Variants in ADAMTSL3 observed in about 807,000 individuals in gnomAD.
ADAMTSL3 encodes the protein ADAMTS-like protein 3.
A neutral mutation model predicts 201.7 loss-of-function variants in ADAMTSL3; 128 were observed. The observed-to-expected ratio is 0.63, with a 90% confidence interval of 0.55 to 0.73. The LOEUF is 0.73. Among genes scored for constraint, ADAMTSL3 ranks in the 30% least tolerant of loss-of-function variants. ADAMTSL3 has a pLI of 0.00. For synonymous variants in ADAMTSL3, 738 were observed against 748.4 expected, an observed-to-expected ratio of 0.99 and a Z score of 0.23; for missense variants, 1,990 against 2,119.6, an observed-to-expected ratio of 0.94 and a Z score of 1.20.
intron 6 of ADAMTSL3, among the ~76,000 whole-genome samples, chr15:83,836,492 G>T (rs1179031791): frequency 6.6e-6 from 1 of 152,150 alleles, no homozygotes; most frequent in African/African-American, 2.4e-5. Context: ...ATGTTGGAAA[G>T]AATTGTTATA....
Position 83,704,176 on chromosome 15 carries a change from G to A in ADAMTSL3, c.70-213G>A, listed in dbSNP as rs11639223. 0.13 allele frequency among the ~76,000 whole-genome samples: 19,191 copies of A among 152,150 alleles called. 1,564 individuals carry two copies. The highest frequency in any genetic ancestry group is 0.26 in the South Asian group (1,274 of 4,814). On this transcript the variant is annotated intron_variant, in intron 2 of 29. Coordinates refer to ENST00000286744, the MANE Select transcript of ADAMTSL3 (RefSeq NM_207517.3). ...CAGAGAATAAATGCCATGGCTGCCAGTTTGATTCGGGCCACTGTGATATCC... is the reference window on the plus strand; with the variant it reads ...CAGAGAATAAATGCCATGGCTGCCAATTTGATTCGGGCCACTGTGATATCC...
Position 83,873,034 on chromosome 15 carries a change from G to A in ADAMTSL3, c.960+2075G>A, listed in dbSNP as rs892660089. 3.4e-5 allele frequency among the ~76,000 whole-genome samples: 5 copies of A among 145,644 alleles called. 1 individual carries two copies. Among genetic ancestry groups the A allele is most frequent in the African/African-American group, 1.3e-4 (5 of 38,112 alleles). ...AAAAGGAAGAATGTGGCTGGGCGTG[G>A]TGGCTCATGCCTGTAATCCCAGCAC... On this transcript the variant is annotated intron_variant, in intron 9 of 29. Coordinates refer to ENST00000286744, the MANE Select transcript of ADAMTSL3 (RefSeq NM_207517.3).
intron 23 of ADAMTSL3, among the ~76,000 whole-genome samples, chr15:84,012,829 T>G (rs1418339564): frequency 6.6e-6 from 1 of 152,222 alleles, no homozygotes; most frequent in Non-Finnish European, 1.5e-5. Flanking sequence ...GACTCCAATT[T>G]TGAAAACTTC....
chr15:83,927,633 C>A (rs2066273639), intron 17 of ADAMTSL3, among the ~76,000 whole-genome samples: 1 of 152,110 alleles, frequency 6.6e-6, no homozygotes, highest in Non-Finnish European at 1.5e-5. Context: ...CTCTTGTTTT[C>A]TGTATATGAA....
chr15:83,669,498 T>C (rs2920263), intron 2 of ADAMTSL3, among the ~76,000 whole-genome samples: 97,669 of 114,828 alleles, frequency 0.85, 42,111 homozygotes, highest in East Asian at 0.97. Flanking sequence ...GACAGAGTCT[T>C]GCTCTGTCTC....
At chr15:83,714,884 T>C (rs139878315) in intron 3 of ADAMTSL3, among the ~76,000 whole-genome samples, 8 of 14,200 alleles carry the variant, frequency 5.6e-4, no homozygotes, top group East Asian at 0.017. Flanking sequence ...CTCCCTTCCT[T>C]CCTTCCTTCC....
chr15:83,982,276 T>G lies in ADAMTSL3; in HGVS notation c.2648T>G (p.Ile883Ser). The change falls in exon 21 of 30, where the codon ATC (isoleucine) becomes AGC (serine). Residue 883 changes from isoleucine to serine, a missense_variant. Transcript: ENST00000286744. ...RSCQMPECSK[I>S]KSEMKTKLGE... is the part of the protein sequence containing the mutation. ...TTTCTTTTTTTTTTTCTTGGAGAAA[T>G]CAAATCAGAGATGAAGACAAAACTT... 4 of 1,560,872 alleles carry G rather than the reference T, an allele frequency of 2.6e-6. No homozygotes were observed. The highest frequency in any genetic ancestry group is 3.5e-6 in the Non-Finnish European group (4 of 1,154,120).
At chr15:83,986,995 T>C (rs564442102) in intron 21 of ADAMTSL3, among the ~76,000 whole-genome samples, 2 of 152,352 alleles carry the variant, frequency 1.3e-5, no homozygotes, top group East Asian at 3.9e-4. Context: ...TGCTCAGCTA[T>C]TTCTGATCTC....
chr15:83,868,542 A>C (rs942233870), intron 8 of ADAMTSL3, among the ~76,000 whole-genome samples: 1 of 152,056 alleles, frequency 6.6e-6, no homozygotes, highest in African/African-American at 2.4e-5. Flanking sequence ...CATAAACTCC[A>C]CCTTCACCAA....
At chr15:83,763,699 G>T (rs1279896229) in intron 3 of ADAMTSL3, among the ~76,000 whole-genome samples, 2 of 152,006 alleles carry the variant, frequency 1.3e-5, no homozygotes, top group Non-Finnish European at 1.5e-5. Flanking sequence ...TAGAGACGAG[G>T]TTTCACCCTG....
chr15:83,742,713 A>G (rs1285226799), intron 3 of ADAMTSL3, among the ~76,000 whole-genome samples: 1 of 152,250 alleles, frequency 6.6e-6, no homozygotes, highest in African/African-American at 2.4e-5. Context: ...TCTGGAAGCT[A>G]GTAAGATTAG....
chr15:83,698,703 T>A (rs1461276411), intron 2 of ADAMTSL3, among the ~76,000 whole-genome samples: 1 of 152,192 alleles, frequency 6.6e-6, no homozygotes, highest in African/African-American at 2.4e-5. Flanking sequence ...GGTATGATGC[T>A]TGCTTTCTGA....
chr15:83,719,986 G>A (rs1195370563), intron 3 of ADAMTSL3, among the ~76,000 whole-genome samples: 1 of 152,118 alleles, frequency 6.6e-6, no homozygotes. Context: ...TTGGGAGGCC[G>A]AGGTGGGCAG....
chr15:83,700,943 C>G (rs1440158735), intron 2 of ADAMTSL3, among the ~76,000 whole-genome samples: 1 of 152,114 alleles, frequency 6.6e-6, no homozygotes, highest in Non-Finnish European at 1.5e-5. Flanking sequence ...TATTCCTTGA[C>G]AGAATGATGT....
intron 7 of ADAMTSL3, among the ~76,000 whole-genome samples, chr15:83,840,568 A>C (rs1355665937): frequency 6.6e-6 from 1 of 152,126 alleles, no homozygotes; most frequent in Non-Finnish European, 1.5e-5. Context: ...CTTCATTAGG[A>C]GATAGAGTTG....
At chr15:83,817,948 T>G (rs2063794929) in intron 5 of ADAMTSL3, among the ~76,000 whole-genome samples, 1 of 152,074 alleles carries the variant, frequency 6.6e-6, no homozygotes, top group African/African-American at 2.4e-5. Context: ...CTCGAGAGGC[T>G]GAGACAGGAG....
At chr15:83,827,852 G>T (rs1373997533) in intron 6 of ADAMTSL3, among the ~76,000 whole-genome samples, 2 of 152,038 alleles carry the variant, frequency 1.3e-5, no homozygotes, top group Non-Finnish European at 1.5e-5. Flanking sequence ...ATTTCTGAGG[G>T]CTCTGTTCTG....
At chr15:83,748,048 C>A (rs2062576352) in intron 3 of ADAMTSL3, among the ~76,000 whole-genome samples, 1 of 152,076 alleles carries the variant, frequency 6.6e-6, no homozygotes, top group Non-Finnish European at 1.5e-5. Context: ...GAAAACATTT[C>A]TTCTCCTTTC....
At chr15:84,026,881 T>G (rs1013319543) in intron 27 of ADAMTSL3, among the ~76,000 whole-genome samples, 1 of 152,080 alleles carries the variant, frequency 6.6e-6, no homozygotes, top group East Asian at 1.9e-4. Flanking sequence ...TTCTTAGATA[T>G]AACAACAAAA....
Sources: allele counts gnomAD v4.1 joint callset (sites outside exome capture counted in the v4.1 genomes callset), GRCh38; gene constraint gnomAD v4.1.1; transcripts MANE v1.5; gene names NCBI Gene and HGNC (gene_info 2026-07-23, HGNC 2026-07-21).